The following GLRA2 variants were observed in gnomAD, a reference collection of about 807,000 sequenced individuals.
The protein encoded by GLRA2 is glycine receptor alpha 2.
GLRA2 carries 11 observed loss-of-function variants against 31.6 expected under a neutral mutation model. The observed-to-expected ratio is 0.35, with a 90% confidence interval of 0.22 to 0.58. The LOEUF is 0.58. Among genes scored for constraint, GLRA2 ranks in the 20% least tolerant of loss-of-function variants. The pLI is 0.84. For missense variants in GLRA2, 212 were observed against 351.8 expected, an observed-to-expected ratio of 0.60 and a Z score of 3.18; for synonymous variants, 132 against 134.0, an observed-to-expected ratio of 0.99 and a Z score of 0.10.
rs756846927 is a variant in GLRA2, at chrX:14,620,915, C to A, written c.930+11710C>A. Among the ~76,000 whole-genome samples the A allele has an allele frequency of 1.9e-4, 21 of 111,422 alleles. No individual in the cohort carries two copies. In the South Asian group the frequency reaches 7.3e-3, roughly 39 times the overall value. On this transcript the variant is annotated intron_variant, in intron 7 of 8. Coordinates refer to ENST00000218075, the MANE Select transcript of GLRA2 (RefSeq NM_002063.4). ...TTGCCATTAGGTGTAAATGGCCTCT[C>A]TTCCTTACTTCCACGACGCTTTCTT...
At position 14,544,670 on chromosome X, in the gene GLRA2, A is replaced by G. The variant is rs769652562; in HGVS notation, c.202+12298A>G. On this transcript the variant is annotated intron_variant, in intron 2 of 8. Coordinates refer to ENST00000218075, the MANE Select transcript of GLRA2 (RefSeq NM_002063.4). ...GTTTAAAAATGATAATGTTTCATAT[A>G]CTTCAATATATAAATTCCAAGGAAA... Among the ~76,000 whole-genome samples, 3 of 111,967 alleles carry G rather than the reference A, an allele frequency of 2.7e-5. No homozygotes were observed. In the South Asian group the frequency reaches 1.1e-3, roughly 41 times the overall value.
chrX:14,598,407 C>T (rs2090232222), intron 4 of GLRA2, among the ~76,000 whole-genome samples: 1 of 112,104 alleles, frequency 8.9e-6, no homozygotes, highest in African/African-American at 3.2e-5. Flanking sequence ...CCAGTAGTTG[C>T]TTTATGAGTC....
At chrX:14,473,365 T>C in the GLRA2 span, among the ~76,000 whole-genome samples, 2 of 112,076 alleles carry the variant, frequency 1.8e-5, no homozygotes, top group Non-Finnish European at 3.8e-5. Context: ...TAGTGGTTCT[T>C]AGGTTTTGGG....
At chrX:14,657,913 TTAATTC>T (rs1270901216) in intron 7 of GLRA2, among the ~76,000 whole-genome samples, 1 of 111,560 alleles carries the variant, frequency 9.0e-6, no homozygotes, top group Non-Finnish European at 1.9e-5. Flanking sequence ...CAAAATAACT[TTAATTC>T]TATTTCATCT....
At chrX:14,499,872 T>TAAA in the GLRA2 span, among the ~76,000 whole-genome samples, 14 of 110,373 alleles carry the variant, frequency 1.3e-4, no homozygotes, top group African/African-American at 4.3e-4. Flanking sequence ...GATTTTTTTT[T>TAAA]AAAAAAATTT....
At chrX:14,503,326 C>T in the GLRA2 span, among the ~76,000 whole-genome samples, 1 of 110,980 alleles carries the variant, frequency 9.0e-6, no homozygotes, top group Admixed American at 9.6e-5. Context: ...TCTTTGAATC[C>T]TCTGGAGAGG....
chrX:14,725,515 A>G (rs955137667), intron 8 of GLRA2, among the ~76,000 whole-genome samples: 7 of 112,143 alleles, frequency 6.2e-5, no homozygotes, highest in Non-Finnish European at 9.4e-5. Context: ...CAATAAAAAA[A>G]TCTGGGTGAG....
the GLRA2 span, among the ~76,000 whole-genome samples, chrX:14,497,212 G>A: frequency 2.7e-5 from 3 of 111,767 alleles, no homozygotes; most frequent in Admixed American, 1.9e-4. Flanking sequence ...CACATGGAAA[G>A]ATGATGTAAA....
chrX:14,587,015 C>A (rs891085924), intron 4 of GLRA2, among the ~76,000 whole-genome samples: 4 of 111,772 alleles, frequency 3.6e-5, no homozygotes, highest in African/African-American at 1.3e-4. Flanking sequence ...AATCAGGGCT[C>A]TTAACTTCTG....
At chrX:14,678,437 A>C (rs1438184334) in intron 7 of GLRA2, among the ~76,000 whole-genome samples, 1 of 111,653 alleles carries the variant, frequency 9.0e-6, no homozygotes, top group Non-Finnish European at 1.9e-5. Flanking sequence ...GTGTTGATGG[A>C]TAGGATTAAA....
chrX:14,537,202 G>T (rs2089337349), intron 2 of GLRA2, among the ~76,000 whole-genome samples: 1 of 111,467 alleles, frequency 9.0e-6, no homozygotes, highest in African/African-American at 3.3e-5. Flanking sequence ...ATATTAGTAT[G>T]TCTATATATA....
chrX:14,691,097 C>T (rs1167544467), intron 8 of GLRA2, among the ~76,000 whole-genome samples: 1 of 111,909 alleles, frequency 8.9e-6, no homozygotes, highest in African/African-American at 3.3e-5. Flanking sequence ...TAACAAGAAA[C>T]AATTTTTAGT....
chrX:14,505,574 C>T, the GLRA2 span, among the ~76,000 whole-genome samples: 1 of 111,823 alleles, frequency 8.9e-6, no homozygotes, highest in Admixed American at 9.4e-5. Context: ...TACCTTATAG[C>T]TAACACATCT....
chrX:14,504,096 A>G, the GLRA2 span, among the ~76,000 whole-genome samples: 10 of 112,144 alleles, frequency 8.9e-5, no homozygotes. Flanking sequence ...GCTAATTAAT[A>G]GATTTTCTTC....
At chrX:14,549,221 T>C (rs143851205) in intron 2 of GLRA2, among the ~76,000 whole-genome samples, 1 of 111,504 alleles carries the variant, frequency 9.0e-6, no homozygotes, top group East Asian at 2.8e-4. Context: ...GGAAAGAACA[T>C]TGCTAGTTTG....
intron 4 of GLRA2, among the ~76,000 whole-genome samples, chrX:14,602,554 T>G (rs1429773731): frequency 9.0e-6 from 1 of 110,754 alleles, no homozygotes; most frequent in Non-Finnish European, 1.9e-5. Context: ...TGAACCCAAT[T>G]TGTAATCTTT....
At chrX:14,572,800 A>G (rs2089900904) in intron 2 of GLRA2, among the ~76,000 whole-genome samples, 1 of 112,371 alleles carries the variant, frequency 8.9e-6, no homozygotes, top group African/African-American at 3.2e-5. Context: ...AAGGAGGGCT[A>G]CAAGGGGCCC....
chrX:14,628,871 C>T (rs1251608049), intron 7 of GLRA2, among the ~76,000 whole-genome samples: 3 of 111,031 alleles, frequency 2.7e-5, no homozygotes, highest in Non-Finnish European at 5.7e-5. Context: ...TAACATAATC[C>T]AATTAATTTG....
intron 7 of GLRA2, among the ~76,000 whole-genome samples, chrX:14,636,260 T>G (rs1241523896): frequency 8.9e-6 from 1 of 111,756 alleles, no homozygotes; most frequent in Non-Finnish European, 1.9e-5. Context: ...CCATAATGAC[T>G]TCCTCCCATA....
Sources: gnomAD v4.1 joint callset for allele counts (sites outside exome capture counted in the v4.1 genomes callset) on GRCh38, gnomAD v4.1.1 for gene constraint, MANE v1.5 for transcripts, NCBI Gene and HGNC (gene_info 2026-07-23, HGNC 2026-07-21) for gene names.